The following SLC4A10 variants were observed in gnomAD, a reference collection of about 807,000 sequenced individuals.
SLC4A10 encodes solute carrier family 4 member 10.
SLC4A10 carries 42 observed loss-of-function variants against 137.7 expected under a neutral mutation model. The ratio of observed to expected loss-of-function variants is 0.30; its 90% CI spans 0.24 to 0.39. SLC4A10 has a LOEUF of 0.39. Among genes scored for constraint, SLC4A10 ranks in the 10% least tolerant of loss-of-function variants. The probability of loss-of-function intolerance (pLI) is 1.00; values close to 1 mark genes in which losing one functional copy is unlikely to be tolerated. For synonymous variants in SLC4A10, 474 were observed against 464.1 expected (o/e 1.02, Z -0.27); for missense variants, 925 against 1,355.0 (o/e 0.68, Z 4.98).
chr2:161,798,308 T>C (rs1416610018), intron 2 of SLC4A10, among the ~76,000 whole-genome samples: 5 of 151,976 alleles, frequency 3.3e-5, no homozygotes, highest in Non-Finnish European at 7.4e-5. Context: ...ATGCAACAGC[T>C]GTGTTATATT....
At chr2:161,789,641 A>G (rs2054001886) in intron 2 of SLC4A10, among the ~76,000 whole-genome samples, 1 of 152,168 alleles carries the variant, frequency 6.6e-6, no homozygotes, top group African/African-American at 2.4e-5. Context: ...TGGTACCACT[A>G]TTTTATATGC....
intron 10 of SLC4A10, among the ~76,000 whole-genome samples, chr2:161,891,305 G>T (rs1483466318): frequency 6.6e-6 from 1 of 152,046 alleles, no homozygotes; most frequent in African/African-American, 2.4e-5. Context: ...GTATCTTTGT[G>T]GTGTTCTCTG....
At chr2:161,788,200 G>C (rs1470946870) in intron 2 of SLC4A10, among the ~76,000 whole-genome samples, 1 of 151,938 alleles carries the variant, frequency 6.6e-6, no homozygotes, top group Non-Finnish European at 1.5e-5. Flanking sequence ...GATAGCCTTT[G>C]TGTGGTGGCT....
At chr2:161,658,660 C>A (rs1473499182) in intron 1 of SLC4A10, among the ~76,000 whole-genome samples, 1 of 132,054 alleles carries the variant, frequency 7.6e-6, no homozygotes, top group Non-Finnish European at 1.5e-5. Flanking sequence ...GTGGTACAAT[C>A]TCGGCTCACT....
At chr2:161,702,750 C>A (rs2043256366) in intron 1 of SLC4A10, among the ~76,000 whole-genome samples, 1 of 151,728 alleles carries the variant, frequency 6.6e-6, no homozygotes, top group East Asian at 1.9e-4. Flanking sequence ...GTCTGCTTTG[C>A]CAACTTTTAA....
intron 4 of SLC4A10, among the ~76,000 whole-genome samples, chr2:161,848,502 A>G (rs2059629763): frequency 6.6e-6 from 1 of 151,984 alleles, no homozygotes; most frequent in Non-Finnish European, 1.5e-5. Context: ...TAGAGTTTTT[A>G]TAGTGTTTTT....
At chr2:161,694,233 T>A (rs554996667) in intron 1 of SLC4A10, among the ~76,000 whole-genome samples, 1 of 152,110 alleles carries the variant, frequency 6.6e-6, no homozygotes, top group Admixed American at 6.6e-5. Context: ...ATTTAGGGAT[T>A]AATGATGGAA....
At chr2:161,701,477 G>A (rs2043115238) in intron 1 of SLC4A10, among the ~76,000 whole-genome samples, 1 of 151,818 alleles carries the variant, frequency 6.6e-6, no homozygotes, top group Non-Finnish European at 1.5e-5. Flanking sequence ...CATAGTTTGG[G>A]ATATATTTGA....
chr2:161,884,299 C>T (rs977792232), intron 10 of SLC4A10, among the ~76,000 whole-genome samples: 7 of 152,224 alleles, frequency 4.6e-5, no homozygotes, highest in South Asian at 2.1e-4. Context: ...GCATGAGACA[C>T]GTGATAATGT....
At chr2:161,701,877 A>G (rs2043156321) in intron 1 of SLC4A10, among the ~76,000 whole-genome samples, 1 of 151,852 alleles carries the variant, frequency 6.6e-6, no homozygotes, top group Non-Finnish European at 1.5e-5. Context: ...CAGTTAAACT[A>G]GCTATTATGA....
chr2:161,926,124 G>A (rs1311639478), intron 15 of SLC4A10, among the ~76,000 whole-genome samples: 3 of 151,932 alleles, frequency 2.0e-5, no homozygotes, highest in Non-Finnish European at 4.4e-5. Flanking sequence ...TTTCTGTCTC[G>A]TTGATCTGTC....
At chr2:161,736,351 A>G (rs2047339534) in intron 1 of SLC4A10, among the ~76,000 whole-genome samples, 1 of 152,234 alleles carries the variant, frequency 6.6e-6, no homozygotes, top group South Asian at 2.1e-4. Context: ...CAGTTAAGAC[A>G]AAATGACCAG....
chr2:161,715,536 C>A (rs896527814), intron 1 of SLC4A10, among the ~76,000 whole-genome samples: 25 of 151,988 alleles, frequency 1.6e-4, no homozygotes, highest in African/African-American at 6.0e-4. Flanking sequence ...GTGTGTTTTT[C>A]CCCTGCCTGT....
intron 1 of SLC4A10, among the ~76,000 whole-genome samples, chr2:161,626,331 A>G (rs912212807): frequency 1.3e-5 from 2 of 152,186 alleles, no homozygotes; most frequent in Admixed American, 1.3e-4. Context: ...AGAGGATGAC[A>G]TTACTGGGCT....
At chr2:161,708,825 A>G (rs1418058720) in intron 1 of SLC4A10, 8 of 1,532,288 alleles carry the variant, frequency 5.2e-6, no homozygotes, top group Non-Finnish European at 4.4e-6. Context: ...TCTCTAAGTC[A>G]TCAGGTATGA....
chr2:161,737,779 G>A (rs985351602), intron 1 of SLC4A10, among the ~76,000 whole-genome samples: 1 of 152,134 alleles, frequency 6.6e-6, no homozygotes, highest in African/African-American at 2.4e-5. Flanking sequence ...AGTGGGTAGA[G>A]TTCTTTAGAA....
chr2:161,660,938 G>A (rs2038302642), intron 1 of SLC4A10, among the ~76,000 whole-genome samples: 1 of 151,652 alleles, frequency 6.6e-6, no homozygotes, highest in Admixed American at 6.6e-5. Flanking sequence ...GGGATTACAG[G>A]TGTGAGCCAC....
rs77758706 is a variant in SLC4A10 at position 161,763,450 on chromosome 2, A to G, written c.49-7523A>G. 4.4e-3 allele frequency among the ~76,000 whole-genome samples: 671 copies of G among 152,286 alleles called. 2 individuals carry two copies. Among genetic ancestry groups the G allele is most frequent in the Non-Finnish European group, 7.8e-3 (533 of 68,016 alleles). On this transcript the variant is annotated intron_variant, in intron 1 of 26. Transcript: ENST00000446997. ...TGTGGGCATATAAGAAATAAAAAAT[A>G]CGTATAAAGATGTGGGCAGGATAAA...
chr2:161,794,504 C>T (rs1238781626), intron 2 of SLC4A10, among the ~76,000 whole-genome samples: 2 of 152,004 alleles, frequency 1.3e-5, no homozygotes, highest in African/African-American at 2.4e-5. Flanking sequence ...AACCCAAGTG[C>T]CCCAGATATG....
Sources: allele counts gnomAD v4.1 joint callset (sites outside exome capture counted in the v4.1 genomes callset), GRCh38; gene constraint gnomAD v4.1.1; transcripts MANE v1.5; gene names NCBI Gene and HGNC (gene_info 2026-07-23, HGNC 2026-07-21).